The following PLCB1 variants were observed in gnomAD, a reference collection of about 807,000 sequenced individuals.
PLCB1 encodes 1-phosphatidylinositol 4,5-bisphosphate phosphodiesterase beta-1.
In PLCB1, 46 loss-of-function variants were observed where a neutral mutation model predicts 161.8. The ratio of observed to expected loss-of-function variants is 0.28; its 90% CI spans 0.22 to 0.36. PLCB1 has a LOEUF of 0.36. Among genes scored for constraint, PLCB1 ranks in the 10% least tolerant of loss-of-function variants. The pLI, the probability that PLCB1 is intolerant of heterozygous loss-of-function variation, is 1.00. For missense variants in PLCB1, 1,016 were observed against 1,472.5 expected (o/e 0.69, Z 5.07); for synonymous variants, 517 against 503.7 (o/e 1.03, Z -0.35).
chr20:8,167,170 A>G (rs370337799), intron 2 of PLCB1, among the ~76,000 whole-genome samples: 5 of 152,126 alleles, frequency 3.3e-5, no homozygotes, highest in East Asian at 3.9e-4. Flanking sequence ...ATAAGCTTAC[A>G]AGCTTTCCCC....
chr20:8,355,623 T>C (rs1014937809), intron 2 of PLCB1, among the ~76,000 whole-genome samples: 2 of 152,202 alleles, frequency 1.3e-5, no homozygotes, highest in Non-Finnish European at 2.9e-5. Flanking sequence ...TTCCCTGTAA[T>C]TCTTTGAACT....
chr20:8,359,769 TG>T (rs953687379), intron 2 of PLCB1, among the ~76,000 whole-genome samples: 1 of 152,172 alleles, frequency 6.6e-6, no homozygotes, highest in African/African-American at 2.4e-5. Flanking sequence ...GTGGGTATAA[TG>T]ATGAAAACTA....
At position 8,603,637 on chromosome 20, in the gene PLCB1, C is replaced by T. The variant is rs185145902; in HGVS notation, c.247-24657C>T. Reference sequence around the variant, plus strand: ...TGCAGAGTCTCAGGCCTTGCCTCACCGAATCAGCACCTCTGGGGTTGGACC... The same window carrying T: ...TGCAGAGTCTCAGGCCTTGCCTCACTGAATCAGCACCTCTGGGGTTGGACC... On this transcript the variant is annotated intron_variant, in intron 3 of 31. Coordinates refer to ENST00000338037, the MANE Select transcript of PLCB1 (RefSeq NM_015192.4). 4.4e-3 allele frequency among the ~76,000 whole-genome samples: 664 copies of T among 152,316 alleles called. 4 individuals are homozygous for T. Among genetic ancestry groups the T allele is most frequent in the Non-Finnish European group, 7.6e-3 (514 of 68,024 alleles).
chr20:8,865,374 T>C (rs917495580), intron 31 of PLCB1, among the ~76,000 whole-genome samples: 5 of 152,182 alleles, frequency 3.3e-5, no homozygotes, highest in African/African-American at 7.2e-5. Context: ...GGCATAAACA[T>C]TGGCTAATAA....
chr20:8,711,501 CAAAAG>C (rs1186245058), intron 12 of PLCB1, among the ~76,000 whole-genome samples: 1 of 152,076 alleles, frequency 6.6e-6, no homozygotes, highest in Non-Finnish European at 1.5e-5. Context: ...TTCTATGTGA[CAAAAG>C]AAAACAGGAA....
At chr20:8,190,778 C>T (rs916632534) in intron 2 of PLCB1, among the ~76,000 whole-genome samples, 1 of 152,084 alleles carries the variant, frequency 6.6e-6, no homozygotes, top group African/African-American at 2.4e-5. Context: ...GAGATGTTCA[C>T]GTATTCCTCT....
chr20:8,651,365 A>T, intron 7 of PLCB1: 1 of 693,028 alleles, frequency 1.4e-6, no homozygotes, highest in Non-Finnish European at 2.7e-6. Flanking sequence ...TTGGTGGGTC[A>T]CAAGAAAGAA....
At chr20:8,665,788 T>C (rs1448680324) in intron 9 of PLCB1, among the ~76,000 whole-genome samples, 1 of 152,166 alleles carries the variant, frequency 6.6e-6, no homozygotes, top group African/African-American at 2.4e-5. Context: ...ATCTCTATTC[T>C]CCATCCTTGA....
chr20:8,158,739 G>A (rs554588365), intron 2 of PLCB1, among the ~76,000 whole-genome samples: 10 of 152,282 alleles, frequency 6.6e-5, no homozygotes, highest in Admixed American at 6.5e-4. Flanking sequence ...GGGAGAAATT[G>A]GCCAAAACAA....
chr20:8,707,597 G>C (rs528781182), intron 11 of PLCB1, among the ~76,000 whole-genome samples: 3 of 152,226 alleles, frequency 2.0e-5, no homozygotes, highest in African/African-American at 7.2e-5. Context: ...TGAAATACAT[G>C]AGGGACTGTA....
intron 3 of PLCB1, among the ~76,000 whole-genome samples, chr20:8,436,327 C>G (rs1296460854): frequency 8.7e-6 from 1 of 115,392 alleles, no homozygotes; most frequent in Admixed American, 8.4e-5. Flanking sequence ...GAGACCCTGT[C>G]AAAAAAAAAA....
chr20:8,523,492 C>A (rs369388830), intron 3 of PLCB1, among the ~76,000 whole-genome samples: 9,926 of 58,884 alleles, frequency 0.17, 1,750 homozygotes, highest in African/African-American at 0.32. Context: ...CTCTCTCTCT[C>A]TCTCTATATA....
chr20:8,265,069 C>T (rs886200617), intron 2 of PLCB1, among the ~76,000 whole-genome samples: 1 of 152,108 alleles, frequency 6.6e-6, no homozygotes, highest in African/African-American at 2.4e-5. Flanking sequence ...AAATACTTGT[C>T]ATTTGTCTGA....
intron 2 of PLCB1, among the ~76,000 whole-genome samples, chr20:8,321,053 T>A (rs554708656): frequency 9.2e-5 from 14 of 151,944 alleles, no homozygotes; most frequent in Non-Finnish European, 2.1e-4. Context: ...GAAAAAAGTA[T>A]AATGGATTCC....
intron 2 of PLCB1, among the ~76,000 whole-genome samples, chr20:8,360,138 A>G (rs1280886016): frequency 6.6e-6 from 1 of 152,168 alleles, no homozygotes; most frequent in African/African-American, 2.4e-5. Flanking sequence ...CAGAGCACAA[A>G]TTACACCTCG....
In PLCB1 at chr20:8,849,197, A is replaced by G. The variant is rs554784123; in HGVS notation, c.3424-32425A>G. ...AGTGGGCACTGCTTCCCATTTTTTG[A>G]CTAATGAGAGATTATTCAAAATCTT... On this transcript the variant is annotated intron_variant, in intron 31 of 31. Coordinates refer to ENST00000338037, the MANE Select transcript of PLCB1 (RefSeq NM_015192.4). Among the ~76,000 whole-genome samples, 344 of 152,314 alleles carry G rather than the reference A, an allele frequency of 2.3e-3. 1 individual carries two copies. The highest frequency in any genetic ancestry group is 7.7e-3 in the African/African-American group (322 of 41,578).
At chr20:8,785,088 C>G (rs1983419081) in intron 27 of PLCB1, among the ~76,000 whole-genome samples, 1 of 142,436 alleles carries the variant, frequency 7.0e-6, no homozygotes, top group South Asian at 2.2e-4. Context: ...GTAAATGATA[C>G]CCTGTAGGAA....
At chr20:8,171,032 A>G (rs2051727604) in intron 2 of PLCB1, among the ~76,000 whole-genome samples, 1 of 152,148 alleles carries the variant, frequency 6.6e-6, no homozygotes, top group African/African-American at 2.4e-5. Flanking sequence ...TCCCACTTAC[A>G]TTTTGAATGA....
chr20:8,361,421 T>G (rs1986538369), intron 2 of PLCB1, among the ~76,000 whole-genome samples: 1 of 152,132 alleles, frequency 6.6e-6, no homozygotes, highest in South Asian at 2.1e-4. Flanking sequence ...AGGGCAGAGA[T>G]TCTCAAACTT....
Sources: allele counts gnomAD v4.1 joint callset (sites outside exome capture counted in the v4.1 genomes callset), GRCh38; gene constraint gnomAD v4.1.1; transcripts MANE v1.5; gene names NCBI Gene and HGNC (gene_info 2026-07-23, HGNC 2026-07-21).